NTM: variants seen among roughly 807,000 people sequenced by gnomAD.
NTM encodes IgLON family member 2.
A neutral mutation model predicts 42.1 loss-of-function variants in NTM; 13 were observed. The observed-to-expected ratio is 0.31, with a 90% CI of 0.20 to 0.49. The LOEUF (loss-of-function observed/expected upper bound fraction) is 0.49. NTM is among the 20% of genes least tolerant of loss of function. The probability of loss-of-function intolerance (pLI) is 0.99; values close to 1 mark genes in which losing one functional copy is unlikely to be tolerated. For synonymous variants in NTM, 187 were observed against 179.2 expected, an observed-to-expected ratio of 1.04 and a Z score of -0.35; for missense variants, 373 against 452.8, an observed-to-expected ratio of 0.82 and a Z score of 1.60.
chr11:132,310,191 A>AG lies in NTM; in HGVS notation c.742dup (p.Val248GlyfsTer12). ...GGACACTGCAGTGTGAAGCCTCAGC[A>AG]GTCCCCTCAGCAGAATTCCAGTGGT... is the stretch of plus-strand genomic sequence containing the variant. On this transcript the variant is annotated frameshift_variant, in exon 6 of 9. Coordinates refer to ENST00000683400, the MANE Select transcript of NTM (RefSeq NM_001352005.2). LOFTEE classifies it high-confidence loss of function. The AG allele has an allele frequency of 1.9e-6, 3 of 1,610,898 alleles. No individual in the cohort carries two copies. Among genetic ancestry groups the AG allele is most frequent in the Non-Finnish European group, 2.5e-6 (3 of 1,178,712 alleles).
At chr11:131,937,448 G>C (rs1288083338) in intron 2 of NTM, among the ~76,000 whole-genome samples, 1 of 152,204 alleles carries the variant, frequency 6.6e-6, no homozygotes, top group African/African-American at 2.4e-5. Context: ...AGGTATTGGT[G>C]GGTGGGGGTA....
chr11:131,642,774 A>C (rs531928999), intron 1 of NTM, among the ~76,000 whole-genome samples: 1 of 152,210 alleles, frequency 6.6e-6, no homozygotes, highest in South Asian at 2.1e-4. Flanking sequence ...AATTTCACCC[A>C]CTATTTTTTT....
chr11:131,528,355 A>G (rs2050785650), intron 1 of NTM, among the ~76,000 whole-genome samples: 1 of 152,188 alleles, frequency 6.6e-6, no homozygotes, highest in Non-Finnish European at 1.5e-5. Flanking sequence ...TTTGTGTCTG[A>G]AATTGTGCTG....
At chr11:131,411,440 G>A (rs925366227) in intron 1 of NTM, among the ~76,000 whole-genome samples, 1 of 152,024 alleles carries the variant, frequency 6.6e-6, no homozygotes, top group Non-Finnish European at 1.5e-5. Flanking sequence ...GGTAAGATGA[G>A]AAAGAGGAGA....
intron 3 of NTM, among the ~76,000 whole-genome samples, chr11:132,171,732 C>G (rs1178389259): frequency 6.6e-6 from 1 of 152,220 alleles, no homozygotes; most frequent in Admixed American, 6.5e-5. Flanking sequence ...AAAAACTCAT[C>G]TGAATTGCAG....
intron 1 of NTM, among the ~76,000 whole-genome samples, chr11:131,377,242 G>T (rs2135497132): frequency 6.6e-6 from 1 of 152,284 alleles, no homozygotes; most frequent in Admixed American, 6.5e-5. Context: ...TAGAAAAGGA[G>T]CTCATGGATG....
chr11:132,149,705 G>A (rs2071423197), intron 3 of NTM, among the ~76,000 whole-genome samples: 1 of 152,148 alleles, frequency 6.6e-6, no homozygotes, highest in Non-Finnish European at 1.5e-5. Context: ...CGACCACATG[G>A]AGCAAGTCTC....
intron 1 of NTM, among the ~76,000 whole-genome samples, chr11:131,393,194 C>T (rs1193887083): frequency 1.3e-5 from 2 of 152,178 alleles, no homozygotes; most frequent in Admixed American, 6.5e-5. Context: ...ACGGACCCTG[C>T]TCTCAATTGT....
At chr11:132,097,430 G>A (rs957452149) in intron 2 of NTM, among the ~76,000 whole-genome samples, 1 of 152,182 alleles carries the variant, frequency 6.6e-6, no homozygotes, top group Non-Finnish European at 1.5e-5. Flanking sequence ...ATGCTCCTGG[G>A]TGCTGATGGC....
intron 1 of NTM, among the ~76,000 whole-genome samples, chr11:131,629,220 T>G (rs1211344825): frequency 6.6e-6 from 1 of 152,112 alleles, no homozygotes; most frequent in African/African-American, 2.4e-5. Context: ...TAAGGCCATG[T>G]GGCTGCAAAT....
intron 1 of NTM, among the ~76,000 whole-genome samples, chr11:131,757,415 C>T (rs1301290948): frequency 1.3e-5 from 2 of 152,218 alleles, no homozygotes; most frequent in Non-Finnish European, 1.5e-5. Context: ...TACCAGGTCA[C>T]ACCGTTTTCC....
At chr11:131,794,200 C>A (rs1565560070) in intron 1 of NTM, among the ~76,000 whole-genome samples, 1 of 152,150 alleles carries the variant, frequency 6.6e-6, no homozygotes, top group African/African-American at 2.4e-5. Flanking sequence ...CAGGGCCTGT[C>A]TCGCACCTCT....
chr11:132,023,976 G>A (rs1475241425), intron 2 of NTM, among the ~76,000 whole-genome samples: 1 of 151,812 alleles, frequency 6.6e-6, no homozygotes, highest in Non-Finnish European at 1.5e-5. Context: ...GTGCCACCAT[G>A]CCCAGCTAAT....
intron 1 of NTM, among the ~76,000 whole-genome samples, chr11:131,592,526 A>C (rs1230066014): frequency 1.3e-4 from 1 of 7,846 alleles, no homozygotes; most frequent in Non-Finnish European, 8.1e-4. Context: ...AGGTCTTTCA[A>C]AAAAAAAAAA....
At position 132,261,707 on chromosome 11, in the gene NTM, C is replaced by T. The variant is rs11825332; in HGVS notation, c.527-45982C>T. Among the ~76,000 whole-genome samples, 419 of 152,308 alleles carry T rather than the reference C, an allele frequency of 2.8e-3. 2 individuals are homozygous for T. The highest frequency in any genetic ancestry group is 9.6e-3 in the African/African-American group (401 of 41,566). The stretch of plus-strand genomic sequence containing the variant: ...CATTGTCTGGAGAATAGATAGGTTG[C>T]AGGTTTCAGTAGAATAGGAGCTGCC... On this transcript the variant is annotated intron_variant, in intron 4 of 8. Coordinates refer to ENST00000683400, the MANE Select transcript of NTM (RefSeq NM_001352005.2).
intron 1 of NTM, among the ~76,000 whole-genome samples, chr11:131,583,349 G>A (rs982470161): frequency 1.3e-5 from 2 of 152,064 alleles, no homozygotes; most frequent in African/African-American, 4.8e-5. Context: ...TAGTTCTTTA[G>A]CTCTTGTGGC....
chr11:131,644,758 A>T (rs1206831289), intron 1 of NTM, among the ~76,000 whole-genome samples: 1 of 149,986 alleles, frequency 6.7e-6, no homozygotes, highest in Non-Finnish European at 1.5e-5. Flanking sequence ...TGAAAGATAC[A>T]TTTTTTTTTT....
intron 1 of NTM, among the ~76,000 whole-genome samples, chr11:131,846,564 A>T (rs2044926640): frequency 6.6e-6 from 1 of 152,174 alleles, no homozygotes; most frequent in South Asian, 2.1e-4. Context: ...ATCTCTTTCC[A>T]AATATTTTAA....
intron 3 of NTM, among the ~76,000 whole-genome samples, chr11:132,204,815 G>T (rs1458663599): frequency 1.3e-5 from 2 of 152,150 alleles, no homozygotes; most frequent in Non-Finnish European, 2.9e-5. Context: ...AAGCACATTT[G>T]CCACAGCCTG....
Sources: gnomAD v4.1 joint callset for allele counts (sites outside exome capture counted in the v4.1 genomes callset) on GRCh38, gnomAD v4.1.1 for gene constraint, MANE v1.5 for transcripts, NCBI Gene and HGNC (gene_info 2026-07-23, HGNC 2026-07-21) for gene names.